PCDHGA5: variants seen among roughly 807,000 people sequenced by gnomAD.
PCDHGA5 encodes the protein protocadherin gamma subfamily A, 5.
PCDHGA5 carries 36 observed loss-of-function variants against 56.7 expected under a neutral mutation model. The ratio of observed to expected loss-of-function variants is 0.64; its 90% confidence interval spans 0.49 to 0.84. PCDHGA5 has a LOEUF of 0.84. Ranked by LOEUF, PCDHGA5 falls within the 40% of genes least tolerant of loss-of-function variation. The pLI, the probability that PCDHGA5 is intolerant of heterozygous loss-of-function variation, is 0.00. For missense variants in PCDHGA5, 1,305 were observed against 1,201.5 expected (o/e 1.09, Z -1.27); for synonymous variants, 563 against 520.2 (o/e 1.08, Z -1.12).
chr5:141,428,267 T>C, intron 1 of PCDHGA5: 1 of 796,264 alleles, frequency 1.3e-6, no homozygotes, highest in Non-Finnish European at 2.1e-6. Context: ...GACAGTCCTG[T>C]GCCCTCTGAT....
intron 1 of PCDHGA5, chr5:141,384,519 G>A (rs769300299): frequency 1.9e-6 from 3 of 1,614,220 alleles, no homozygotes; most frequent in Non-Finnish European, 2.5e-6. Flanking sequence ...GCGGGGACCC[G>A]CCTCTCAGCA....
chr5:141,371,540 C>A, intron 1 of PCDHGA5: 1 of 1,613,728 alleles, frequency 6.2e-7, no homozygotes, highest in Non-Finnish European at 8.5e-7. Flanking sequence ...ATGGAGAAAT[C>A]CTATGCCAAC....
intron 1 of PCDHGA5, chr5:141,383,623 T>C: frequency 6.2e-7 from 1 of 1,613,932 alleles, no homozygotes; most frequent in South Asian, 1.1e-5. Flanking sequence ...CACGCCTGTC[T>C]TCTCTCTGCC....
At chr5:141,405,498 C>T in intron 1 of PCDHGA5, 2 of 784,948 alleles carry the variant, frequency 2.5e-6, no homozygotes, top group Admixed American at 2.7e-5. Flanking sequence ...CGGCTCATTG[C>T]AACCTCCGCC....
chr5:141,387,735 T>C lies in PCDHGA5; in HGVS notation c.2421+20984T>C, dbSNP rs966437790. The C allele has an allele frequency of 1.2e-5, 16 of 1,308,452 alleles. No individual in the cohort carries two copies. In the East Asian group the frequency reaches 1.3e-4, roughly 10 times the overall value. 81.1% of individuals were successfully genotyped at this position (1,308,452 alleles called of 1,614,324 possible). ...GCTCAGACTCCCCAGCGCCAGCCTTTACACCGCTTCCTCCTCGGAAAAAGA... is the reference window on the plus strand; with the variant it reads ...GCTCAGACTCCCCAGCGCCAGCCTTCACACCGCTTCCTCCTCGGAAAAAGA... On this transcript the variant is annotated intron_variant, in intron 1 of 3. Transcript: ENST00000518069.
intron 1 of PCDHGA5, among the ~76,000 whole-genome samples, chr5:141,469,304 C>T (rs890230691): frequency 2.0e-5 from 3 of 151,892 alleles, no homozygotes; most frequent in East Asian, 1.9e-4. Flanking sequence ...AGACTGGGCA[C>T]GATGGCTCAC....
intron 1 of PCDHGA5, chr5:141,384,110 T>G: frequency 6.2e-7 from 1 of 1,604,780 alleles, no homozygotes; most frequent in Non-Finnish European, 8.5e-7. Context: ...TATTATAGAT[T>G]GGTCACAACC....
chr5:141,507,495 G>T (rs375483743), intron 3 of PCDHGA5, among the ~76,000 whole-genome samples: 2 of 152,234 alleles, frequency 1.3e-5, no homozygotes, highest in Non-Finnish European at 2.9e-5. Context: ...AGGCAGAGCT[G>T]TCCCAGGTCT....
chr5:141,410,186 C>G, intron 1 of PCDHGA5: 1 of 1,613,940 alleles, frequency 6.2e-7, no homozygotes, highest in Non-Finnish European at 8.5e-7. Flanking sequence ...CACGCTTCAT[C>G]TGGTCTTCGC....
chr5:141,469,436 G>A (rs556417221), intron 1 of PCDHGA5, among the ~76,000 whole-genome samples: 11 of 152,118 alleles, frequency 7.2e-5, no homozygotes, highest in East Asian at 1.9e-4. Flanking sequence ...TTAGCTGGGC[G>A]TGGTGGTGCA....
At chr5:141,502,862 C>CTTTT (rs2154593209) in intron 2 of PCDHGA5, among the ~76,000 whole-genome samples, 1 of 68,550 alleles carries the variant, frequency 1.5e-5, no homozygotes, top group African/African-American at 9.9e-5. Flanking sequence ...CCCTGACTCT[C>CTTTT]TGTCTTTTTT....
chr5:141,370,197 G>A (rs1766736161), intron 1 of PCDHGA5: 1 of 536,070 alleles, frequency 1.9e-6, no homozygotes, highest in Non-Finnish European at 3.2e-6. Flanking sequence ...CTAGTGCTGT[G>A]CAAAATATTG....
chr5:141,410,528 A>G (rs1464482105), intron 1 of PCDHGA5: 3 of 1,613,852 alleles, frequency 1.9e-6, no homozygotes, highest in Non-Finnish European at 2.5e-6. Flanking sequence ...CCTACATTCC[A>G]ATGAAGACAT....
chr5:141,503,598 CAAAAAAAAAA>C (rs765754054), intron 2 of PCDHGA5, among the ~76,000 whole-genome samples: 1 of 65,762 alleles, frequency 1.5e-5, no homozygotes. Context: ...GACTCCAGCT[CAAAAAAAAAA>C]AAAAAAGAAA....
In PCDHGA5 at chr5:141,426,967, T is replaced by C. The variant is rs151241654; in HGVS notation, c.2421+60216T>C. 124 of 456,702 alleles carry C rather than the reference T, an allele frequency of 2.7e-4. 1 individual carries two copies. The highest frequency in any genetic ancestry group is 2.1e-3 in the African/African-American group (103 of 50,178). 28.3% of individuals were successfully genotyped at this position (456,702 alleles called of 1,614,324 possible). A position where few individuals can be genotyped will look rare whatever the true frequency, so the allele number is the denominator to read the frequency against. On this transcript the variant is annotated intron_variant, in intron 1 of 3. Coordinates refer to ENST00000518069, the MANE Select transcript of PCDHGA5 (RefSeq NM_018918.3). ...CCAACTGGCACTGCTGCAATTCAAA[T>C]TGAGGTCACTGATGCCAACGATAAT... is the stretch of plus-strand genomic sequence containing the variant.
chr5:141,393,108 A>G (rs1318511234), intron 1 of PCDHGA5: 6 of 1,613,438 alleles, frequency 3.7e-6, no homozygotes, highest in Non-Finnish European at 5.1e-6. Context: ...CTGCGCTCAG[A>G]GCCCGCGGTG....
At chr5:141,375,816 C>A (rs755968729) in intron 1 of PCDHGA5, 6 of 1,614,194 alleles carry the variant, frequency 3.7e-6, no homozygotes, top group South Asian at 3.3e-5. Context: ...GTGGAGCTGG[C>A]GCCCCGCTCC....
At chr5:141,510,844 C>A in intron 3 of PCDHGA5, 103 bp from the exon 4 acceptor site, 1 of 1,592,684 alleles carries the variant, frequency 6.3e-7, no homozygotes, top group South Asian at 1.1e-5. Context: ...GTGGTCAAGG[C>A]CCAGGGTGCT....
chr5:141,393,072 G>A (rs2092669892), intron 1 of PCDHGA5: 1 of 1,613,680 alleles, frequency 6.2e-7, no homozygotes. Flanking sequence ...CTTGATCACC[G>A]CGGGCAGGAT....
Sources: gnomAD v4.1 joint callset for allele counts (sites outside exome capture counted in the v4.1 genomes callset) on GRCh38, gnomAD v4.1.1 for gene constraint, MANE v1.5 for transcripts, NCBI Gene and HGNC (gene_info 2026-07-23, HGNC 2026-07-21) for gene names.